The following RGS7 variants were observed in gnomAD, a reference collection of about 807,000 sequenced individuals.
RGS7 encodes regulator of G protein signaling 7.
In RGS7, 27 loss-of-function variants were observed where a neutral mutation model predicts 81.1. The observed-to-expected ratio is 0.33, with a 90% CI of 0.25 to 0.46. The LOEUF is 0.46. Ranked by LOEUF, RGS7 falls within the 20% of genes least tolerant of loss-of-function variation. The pLI is 1.00. For missense variants in RGS7, 396 were observed against 607.4 expected (o/e 0.65, Z 3.66); for synonymous variants, 208 against 207.7 (o/e 1.00, Z -0.01).
intron 2 of RGS7, among the ~76,000 whole-genome samples, chr1:241,147,618 C>A (rs1411085678): frequency 6.6e-6 from 1 of 151,430 alleles, no homozygotes; most frequent in African/African-American, 2.4e-5. Context: ...TTCATGCAAT[C>A]ATGCCAAAAG....
At chr1:241,312,519 G>C (rs114018049) in intron 2 of RGS7, among the ~76,000 whole-genome samples, 1 of 152,058 alleles carries the variant, frequency 6.6e-6, no homozygotes, top group African/African-American at 2.4e-5. Flanking sequence ...ATCTGTGATG[G>C]TGATCTGTGA....
chr1:240,879,045 A>G (rs905198532), intron 6 of RGS7, among the ~76,000 whole-genome samples: 3 of 152,204 alleles, frequency 2.0e-5, no homozygotes, highest in Non-Finnish European at 2.9e-5. Context: ...GACACTGCCA[A>G]AATTGTCCCA....
chr1:241,200,483 C>CA (rs2073419913), intron 2 of RGS7, among the ~76,000 whole-genome samples: 1 of 152,170 alleles, frequency 6.6e-6, no homozygotes, highest in South Asian at 2.1e-4. Context: ...AAGCTGGAGT[C>CA]AGACAACCCA....
rs765692771 is a variant in RGS7 at position 241,355,771 on chromosome 1, G to A, written c.6C>T (p.Ala2=). 1 of 1,613,838 alleles carries A rather than the reference G, an allele frequency of 6.2e-7. No individual in the cohort carries two copies. Among genetic ancestry groups the A allele is most frequent in the African/African-American group, 1.3e-5 (1 of 74,872 alleles). ...TGGTCTGCCCATAATTATTCCCCTG[G>A]GCCATGTCACCCAAAACTTGGTCCA... The part of the protein sequence containing the change: M[A]QGNNYGQTSN... The change falls in exon 2 of 19, where the codon GCC becomes GCT. Residue 2 remains alanine (A), a synonymous_variant. Transcript: ENST00000440928.
intron 9 of RGS7, among the ~76,000 whole-genome samples, chr1:240,828,503 C>T (rs1693257221): frequency 6.6e-6 from 1 of 152,156 alleles, no homozygotes; most frequent in Non-Finnish European, 1.5e-5. Context: ...TAGTAAAAAA[C>T]ATCGGCCAGG....
At chr1:241,202,017 C>CACACACAA (rs2073552643) in intron 2 of RGS7, among the ~76,000 whole-genome samples, 2 of 98,708 alleles carry the variant, frequency 2.0e-5, no homozygotes, top group Non-Finnish European at 5.3e-5. Flanking sequence ...CACAGACACA[C>CACACACAA]ACACACACAC....
intron 2 of RGS7, among the ~76,000 whole-genome samples, chr1:241,346,244 C>G (rs753379652): frequency 1.3e-5 from 2 of 152,058 alleles, no homozygotes; most frequent in African/African-American, 2.4e-5. Context: ...GTCAGTTCTT[C>G]CTCTTTCATG....
At chr1:240,852,643 A>C (rs1660325335) in intron 9 of RGS7, among the ~76,000 whole-genome samples, 1 of 152,160 alleles carries the variant, frequency 6.6e-6, no homozygotes, top group African/African-American at 2.4e-5. Flanking sequence ...CCCCAACTTG[A>C]TGAAGACAGA....
At chr1:240,914,720 G>A (rs1028469365) in intron 6 of RGS7, among the ~76,000 whole-genome samples, 7 of 152,034 alleles carry the variant, frequency 4.6e-5, no homozygotes, top group African/African-American at 1.7e-4. Flanking sequence ...CATTTAAGGA[G>A]CTTGGAAGTC....
At chr1:241,103,349 A>T (rs1275154819) in intron 2 of RGS7, among the ~76,000 whole-genome samples, 2 of 152,114 alleles carry the variant, frequency 1.3e-5, no homozygotes, top group Non-Finnish European at 1.5e-5. Context: ...AGAACACTAG[A>T]CGATGGGCAT....
chr1:241,241,083 G>A (rs1197260631), intron 2 of RGS7, among the ~76,000 whole-genome samples: 1 of 152,102 alleles, frequency 6.6e-6, no homozygotes, highest in Non-Finnish European at 1.5e-5. Flanking sequence ...CCTGTTTGCT[G>A]CCCTCCAGGT....
At chr1:241,075,748 T>C (rs938328129) in intron 3 of RGS7, among the ~76,000 whole-genome samples, 4 of 152,162 alleles carry the variant, frequency 2.6e-5, no homozygotes, top group African/African-American at 9.7e-5. Context: ...AGGAAATTTG[T>C]TCTGAAAGAC....
At chr1:241,252,491 T>C (rs928660734) in intron 2 of RGS7, among the ~76,000 whole-genome samples, 2 of 152,164 alleles carry the variant, frequency 1.3e-5, no homozygotes, top group African/African-American at 4.8e-5. Context: ...ATACATGTGG[T>C]TTTCTTTCTT....
At chr1:240,872,320 G>A (rs996567463) in intron 6 of RGS7, among the ~76,000 whole-genome samples, 4 of 152,112 alleles carry the variant, frequency 2.6e-5, no homozygotes, top group Non-Finnish European at 5.9e-5. Flanking sequence ...AGCAGGGCAT[G>A]GTGGCTTATT....
intron 15 of RGS7, among the ~76,000 whole-genome samples, chr1:240,804,980 G>A (rs550220299): frequency 6.6e-6 from 1 of 152,186 alleles, no homozygotes; most frequent in Non-Finnish European, 1.5e-5. Context: ...TTTTAGTAAT[G>A]TGTGTTTTTT....
chr1:240,838,161 A>G (rs1695017177), intron 9 of RGS7, among the ~76,000 whole-genome samples: 1 of 152,214 alleles, frequency 6.6e-6, no homozygotes, highest in Non-Finnish European at 1.5e-5. Flanking sequence ...GTTCAAGATC[A>G]AGGCAGTGAA....
intron 14 of RGS7, among the ~76,000 whole-genome samples, chr1:240,807,500 T>C (rs1689070262): frequency 6.6e-6 from 1 of 152,226 alleles, no homozygotes; most frequent in East Asian, 1.9e-4. Context: ...TGACCATTAA[T>C]AAATAATCAG....
chr1:240,962,399 T>A (rs1331952133), intron 4 of RGS7, among the ~76,000 whole-genome samples: 1 of 152,210 alleles, frequency 6.6e-6, no homozygotes, highest in African/African-American at 2.4e-5. Flanking sequence ...TAGCTTCCCC[T>A]TTCCTTTGTT....
chr1:241,083,281 A>AACAAAACAAG, intron 3 of RGS7, among the ~76,000 whole-genome samples: 1 of 149,510 alleles, frequency 6.7e-6, no homozygotes, highest in East Asian at 1.9e-4. Flanking sequence ...AACAAAACAA[A>AACAAAACAAG]ACAAGACAAA....
Sources: gnomAD v4.1 joint callset for allele counts (sites outside exome capture counted in the v4.1 genomes callset) on GRCh38, gnomAD v4.1.1 for gene constraint, MANE v1.5 for transcripts, NCBI Gene and HGNC (gene_info 2026-07-23, HGNC 2026-07-21) for gene names.